PDE11A: variants seen among roughly 807,000 people sequenced by gnomAD.
PDE11A encodes the protein phosphodiesterase 11A.
Under a neutral mutation model 100.5 loss-of-function variants are expected in PDE11A, and 100 were observed. The observed-to-expected ratio is 1.00, with a 90% CI of 0.85 to 1.18. The LOEUF (loss-of-function observed/expected upper bound fraction) is 1.18, where lower values mean the gene tolerates loss of function less well. Among genes scored for constraint, PDE11A ranks in the 50% most tolerant of loss-of-function variants. The pLI is 0.00. For missense variants in PDE11A, 1,141 were observed against 1,152.6 expected, an observed-to-expected ratio of 0.99 and a Z score of 0.15; for synonymous variants, 381 against 420.8, an observed-to-expected ratio of 0.91 and a Z score of 1.16.
At chr2:177,767,149 G>A (rs1202194283) in intron 10 of PDE11A, among the ~76,000 whole-genome samples, 1 of 152,114 alleles carries the variant, frequency 6.6e-6, no homozygotes, top group African/African-American at 2.4e-5. Flanking sequence ...GACCAACATG[G>A]TGAAACCCCG....
At chr2:178,049,907 A>G in intron 1 of PDE11A, among the ~76,000 whole-genome samples, 1 of 152,196 alleles carries the variant, frequency 6.6e-6, no homozygotes, top group East Asian at 1.9e-4. Context: ...CTGCCTCTGT[A>G]GATTCCACCT....
chr2:177,737,420 T>TACACACAGACACACACAC (rs2081804281), intron 10 of PDE11A, among the ~76,000 whole-genome samples: 1 of 110,434 alleles, frequency 9.1e-6, no homozygotes, highest in Non-Finnish European at 2.0e-5. Context: ...CTACTAAAAA[T>TACACACAGACACACACAC]ACACACACAC....
intron 19 of PDE11A, among the ~76,000 whole-genome samples, chr2:177,632,235 T>C (rs2079962607): frequency 6.6e-6 from 1 of 152,222 alleles, no homozygotes; most frequent in African/African-American, 2.4e-5. Context: ...GCTTCAACCT[T>C]TGTCAATGCA....
intron 19 of PDE11A, among the ~76,000 whole-genome samples, chr2:177,630,689 A>ATT (rs5836618): frequency 6.6e-6 from 1 of 151,386 alleles, no homozygotes; most frequent in African/African-American, 2.4e-5. Flanking sequence ...CCTTATTTTA[A>ATT]TTTTTTTTTA....
At chr2:177,927,298 A>G (rs1326363523) in intron 2 of PDE11A, among the ~76,000 whole-genome samples, 1 of 152,226 alleles carries the variant, frequency 6.6e-6, no homozygotes, top group Non-Finnish European at 1.5e-5. Flanking sequence ...AATTTCAAAA[A>G]ATTTGCCTTA....
At chr2:177,654,075 T>C (rs1467235655) in intron 19 of PDE11A, among the ~76,000 whole-genome samples, 1 of 152,240 alleles carries the variant, frequency 6.6e-6, no homozygotes, top group African/African-American at 2.4e-5. Flanking sequence ...AACTTTATTA[T>C]TTCTAATCAT....
intron 9 of PDE11A, among the ~76,000 whole-genome samples, chr2:177,809,666 G>A (rs534234706): frequency 2.0e-5 from 3 of 152,294 alleles, no homozygotes; most frequent in East Asian, 3.9e-4. Context: ...CTATGACTGT[G>A]TCTCTCTCCT....
chr2:177,782,226 C>A (rs1032757223), intron 9 of PDE11A, among the ~76,000 whole-genome samples: 3 of 152,182 alleles, frequency 2.0e-5, no homozygotes, highest in African/African-American at 7.2e-5. Flanking sequence ...TACTTTGCAA[C>A]TACATCCAAA....
intron 1 of PDE11A, among the ~76,000 whole-genome samples, chr2:178,070,519 C>A (rs1343734248): frequency 6.6e-6 from 1 of 152,176 alleles, no homozygotes; most frequent in Admixed American, 6.5e-5. Context: ...ACTTTCCTAA[C>A]CAAGGATGAG....
upstream of PDE11A, among the ~76,000 whole-genome samples, chr2:178,077,445 A>T (rs1574386826): frequency 6.6e-6 from 1 of 151,734 alleles, no homozygotes; most frequent in South Asian, 2.1e-4. Flanking sequence ...GAAATCACTC[A>T]ATCCAGTATA....
intron 1 of PDE11A, among the ~76,000 whole-genome samples, chr2:178,071,198 C>A (rs2087122408): frequency 6.6e-6 from 1 of 152,190 alleles, no homozygotes; most frequent in Admixed American, 6.5e-5. Context: ...TAAAACCACA[C>A]ATTGACATAT....
At chr2:177,890,309 C>T (rs1478044087) in intron 4 of PDE11A, among the ~76,000 whole-genome samples, 5 of 152,174 alleles carry the variant, frequency 3.3e-5, no homozygotes, top group Admixed American at 1.3e-4. Flanking sequence ...GTTCCACTCA[C>T]CCTGGCCACA....
chr2:178,033,246 G>C (rs1200140245), intron 1 of PDE11A, among the ~76,000 whole-genome samples: 1 of 152,126 alleles, frequency 6.6e-6, no homozygotes, highest in Non-Finnish European at 1.5e-5. Flanking sequence ...AGAACTTCCT[G>C]TAGCATACAC....
chr2:177,706,353 C>T (rs2105417218), intron 13 of PDE11A, among the ~76,000 whole-genome samples: 1 of 152,270 alleles, frequency 6.6e-6, no homozygotes, highest in Admixed American at 6.5e-5. Flanking sequence ...TAGAATTCGA[C>T]TGGGAGCACT....
At chr2:177,726,790 T>C (rs957986403) in intron 12 of PDE11A, among the ~76,000 whole-genome samples, 1 of 152,058 alleles carries the variant, frequency 6.6e-6, no homozygotes, top group African/African-American at 2.4e-5. Context: ...AAGGTATTTA[T>C]TTTATGTTGG....
intron 9 of PDE11A, among the ~76,000 whole-genome samples, chr2:177,803,694 A>C (rs1288298633): frequency 6.6e-6 from 1 of 152,128 alleles, no homozygotes; most frequent in Non-Finnish European, 1.5e-5. Flanking sequence ...AGAATTAAAA[A>C]CAAAAACCAT....
intron 1 of PDE11A, among the ~76,000 whole-genome samples, chr2:178,062,776 A>G (rs1250609152): frequency 6.6e-6 from 1 of 152,238 alleles, no homozygotes; most frequent in East Asian, 1.9e-4. Flanking sequence ...GTAATCTGAT[A>G]AAGTAGTACA....
Position 177,634,427 on chromosome 2 carries a change from C to A in PDE11A, c.2647-4865G>T, listed in dbSNP as rs370244253. ...TTTGTGAGAAGGAGTCTCGCTCTGA[C>A]GCCCAGGCTGGAGTGCAGTGGGGCG... On this transcript the variant is annotated intron_variant, in intron 19 of 19. Coordinates refer to ENST00000286063, the MANE Select transcript of PDE11A (RefSeq NM_016953.4). Among the ~76,000 whole-genome samples the A allele has an allele frequency of 8.6e-4, 127 of 148,082 alleles. 3 individuals carry two copies. The highest frequency in any genetic ancestry group is 3.1e-3 in the African/African-American group (124 of 39,496).
chr2:177,725,597 T>C (rs73028344), intron 12 of PDE11A, among the ~76,000 whole-genome samples: 1,641 of 152,238 alleles, frequency 0.011, 29 homozygotes, highest in African/African-American at 0.037. Context: ...TCTTCAAGAT[T>C]GCTGAGCATA....
Sources: allele counts gnomAD v4.1 joint callset (sites outside exome capture counted in the v4.1 genomes callset), GRCh38; gene constraint gnomAD v4.1.1; transcripts MANE v1.5; gene names NCBI Gene and HGNC (gene_info 2026-07-23, HGNC 2026-07-21).